The following ATL2 variants were observed in gnomAD, a reference collection of about 807,000 sequenced individuals.
The protein encoded by ATL2 is atlastin-2.
A neutral mutation model predicts 73.9 loss-of-function variants in ATL2; 31 were observed. The ratio of observed to expected loss-of-function variants is 0.42; its 90% CI spans 0.32 to 0.57. The LOEUF (loss-of-function observed/expected upper bound fraction) is 0.57. ATL2 is among the 20% of genes least tolerant of loss of function. The pLI is 0.14. For missense variants in ATL2, 738 were observed against 702.6 expected (o/e 1.05, Z -0.57); for synonymous variants, 291 against 237.5 (o/e 1.23, Z -2.07).
chr2:38,354,194 C>CAAAAAAAAAAAAAA (rs1208475028), intron 1 of ATL2: 1 of 414,198 alleles, frequency 2.4e-6, no homozygotes, highest in African/African-American at 3.4e-5. Context: ...CAAAAAAAAG[C>CAAAAAAAAAAAAAA]AAAGAGTATC....
At chr2:38,338,647 C>T (rs930567900) in intron 2 of ATL2, among the ~76,000 whole-genome samples, 3 of 152,124 alleles carry the variant, frequency 2.0e-5, no homozygotes, top group African/African-American at 7.2e-5. Flanking sequence ...TAATCCTCCT[C>T]TTTCCCTGTT....
chr2:38,312,797 T>G (rs1248563427), intron 7 of ATL2, among the ~76,000 whole-genome samples: 2 of 152,086 alleles, frequency 1.3e-5, no homozygotes, highest in African/African-American at 4.8e-5. Flanking sequence ...TCATGCTTCC[T>G]GTTAAGCCTG....
rs190749540 is a variant in ATL2, at chr2:38,294,287, G to A, written c.*1707C>T. The stretch of plus-strand genomic sequence containing the variant: ...CTAAGGGCCGGGCGCGGTGGCTCAC[G>A]CCTGTAATCCCAACACTTTGGGAGG... On this transcript the variant is annotated 3_prime_UTR_variant, in exon 13 of 13. Coordinates refer to ENST00000378954, the MANE Select transcript of ATL2 (RefSeq NM_001135673.4). Among the ~76,000 whole-genome samples, 5 of 152,320 alleles carry A rather than the reference G, an allele frequency of 3.3e-5. No homozygotes were observed. Among genetic ancestry groups the A allele is most frequent in the Admixed American group, 2.0e-4 (3 of 15,296 alleles).
At chr2:38,376,943 C>T (rs1206472083) in intron 1 of ATL2, among the ~76,000 whole-genome samples, 200 bp downstream of exon 1, 1 of 150,998 alleles carries the variant, frequency 6.6e-6, no homozygotes, top group African/African-American at 2.4e-5. Flanking sequence ...CCGCGGCCCA[C>T]GAGCCGCCCT....
intron 1 of ATL2, among the ~76,000 whole-genome samples, chr2:38,368,416 C>G (rs1200372687): frequency 6.6e-6 from 1 of 152,170 alleles, no homozygotes; most frequent in East Asian, 1.9e-4. Context: ...CCACGCCCGG[C>G]TAATTTTGTA....
chr2:38,350,972 A>G (rs1670303562), intron 1 of ATL2, among the ~76,000 whole-genome samples: 1 of 152,250 alleles, frequency 6.6e-6, no homozygotes, highest in Admixed American at 6.5e-5. Context: ...TCATTATAAT[A>G]AAATGTAGCA....
At chr2:38,332,334 G>C (rs1387943883) in intron 2 of ATL2, among the ~76,000 whole-genome samples, 1 of 152,034 alleles carries the variant, frequency 6.6e-6, no homozygotes, top group Non-Finnish European at 1.5e-5. Context: ...AGCCTCCTGT[G>C]TAGCTGGAAC....
chr2:38,340,287 T>A (rs1160973460), intron 2 of ATL2, among the ~76,000 whole-genome samples: 1 of 151,342 alleles, frequency 6.6e-6, no homozygotes, highest in African/African-American at 2.4e-5. Context: ...TTCATCAAGC[T>A]GTACACTTAA....
At chr2:38,329,389 C>CTGCACCCTAG (rs1668849983) in intron 2 of ATL2, among the ~76,000 whole-genome samples, 2 of 117,828 alleles carry the variant, frequency 1.7e-5, no homozygotes, top group Admixed American at 1.1e-4. Context: ...GATCATGCCA[C>CTGCACCCTAG]TGCACCCTAG....
At chr2:38,364,726 T>G (rs2124478034) in intron 1 of ATL2, among the ~76,000 whole-genome samples, 1 of 152,332 alleles carries the variant, frequency 6.6e-6, no homozygotes, top group Non-Finnish European at 1.5e-5. Flanking sequence ...GCATATAGTT[T>G]AAGAATTCTC....
intron 2 of ATL2, among the ~76,000 whole-genome samples, chr2:38,333,080 G>A (rs1479204886): frequency 6.6e-6 from 1 of 151,962 alleles, no homozygotes; most frequent in Non-Finnish European, 1.5e-5. Flanking sequence ...TTTATAAGCT[G>A]GGCCACGCAC....
chr2:38,330,203 T>A (rs1668904042), intron 2 of ATL2, among the ~76,000 whole-genome samples: 2 of 143,854 alleles, frequency 1.4e-5, no homozygotes. Context: ...AAATCCAACA[T>A]TCATTCAGGA....
chr2:38,366,492 T>C (rs1573589502), intron 1 of ATL2, among the ~76,000 whole-genome samples: 1 of 152,196 alleles, frequency 6.6e-6, no homozygotes, highest in Middle Eastern at 3.2e-3. Flanking sequence ...TTAAATTATG[T>C]CATAAAAAGT....
chr2:38,369,988 A>G (rs1671573959), intron 1 of ATL2, among the ~76,000 whole-genome samples: 1 of 149,126 alleles, frequency 6.7e-6, no homozygotes, highest in Non-Finnish European at 1.5e-5. Flanking sequence ...CGTCTCTACT[A>G]AAAAAAATAC....
chr2:38,362,340 AAG>A (rs1193150419), intron 1 of ATL2, among the ~76,000 whole-genome samples: 1 of 152,204 alleles, frequency 6.6e-6, no homozygotes, highest in Non-Finnish European at 1.5e-5. Flanking sequence ...CTGCTTACTA[AAG>A]AATGGTCAAC....
rs776674384 is a variant in ATL2 at position 38,367,634 on chromosome 2, C to CTT, written c.118+9507_118+9508dup. On this transcript the variant is annotated intron_variant, in intron 1 of 12. Transcript: ENST00000378954. ...AAAAAAAACCGCCCATTTAAAACAA[C>CTT]TTTTTTTTTTTTTTTGAGACGGAGT... Among the ~76,000 whole-genome samples, 75 of 95,322 alleles carry CTT rather than the reference C, an allele frequency of 7.9e-4. 1 individual carries two copies. The highest frequency in any genetic ancestry group is 2.3e-3 in the African/African-American group (64 of 27,610). The allele number at this position is 95,322 out of a possible 152,430, so 62.5% of individuals were successfully genotyped here.
chr2:38,347,798 G>A (rs375157820), intron 1 of ATL2, among the ~76,000 whole-genome samples: 101 of 140,292 alleles, frequency 7.2e-4, no homozygotes, highest in African/African-American at 2.5e-3. Context: ...AAGGCAGAGC[G>A]CTCTGTCACC....
intron 1 of ATL2, among the ~76,000 whole-genome samples, chr2:38,366,138 C>A (rs1395364593): frequency 1.3e-5 from 2 of 150,544 alleles, no homozygotes; most frequent in Non-Finnish European, 2.9e-5. Flanking sequence ...GAGCTTCGCA[C>A]TATACTCTCC....
At chr2:38,370,945 T>C (rs1303957999) in intron 1 of ATL2, among the ~76,000 whole-genome samples, 1 of 146,374 alleles carries the variant, frequency 6.8e-6, no homozygotes, top group Non-Finnish European at 1.5e-5. Flanking sequence ...GCAACAAGGC[T>C]AGCCCCTATC....
Sources: allele counts gnomAD v4.1 joint callset (sites outside exome capture counted in the v4.1 genomes callset), GRCh38; gene constraint gnomAD v4.1.1; transcripts MANE v1.5; gene names NCBI Gene and HGNC (gene_info 2026-07-23, HGNC 2026-07-21).